Variants in NBEA observed in about 807,000 individuals in gnomAD.
NBEA encodes the protein lysosomal-trafficking regulator 2.
NBEA carries 44 observed loss-of-function variants against 343.4 expected under a neutral mutation model. The observed-to-expected ratio is 0.13, with a 90% CI of 0.10 to 0.16. NBEA has a LOEUF of 0.16. Among genes scored for constraint, NBEA ranks in the 10% least tolerant of loss-of-function variants. NBEA has a pLI of 1.00. For missense variants in NBEA, 2,555 were observed against 3,631.3 expected (o/e 0.70, Z 7.62); for synonymous variants, 1,175 against 1,238.7 (o/e 0.95, Z 1.08).
intron 1 of NBEA, among the ~76,000 whole-genome samples, chr13:35,010,112 G>A (rs2061433527): frequency 6.6e-6 from 1 of 152,092 alleles, no homozygotes; most frequent in African/African-American, 2.4e-5. Context: ...AAATATATGA[G>A]GCTGCAAAAT....
intron 31 of NBEA, among the ~76,000 whole-genome samples, chr13:35,201,593 T>C (rs1425514761): frequency 6.6e-6 from 1 of 152,092 alleles, no homozygotes; most frequent in Non-Finnish European, 1.5e-5. Flanking sequence ...ATATTAATAG[T>C]TGGTCTCTCT....
chr13:35,571,308 T>G (rs940558806), intron 45 of NBEA, among the ~76,000 whole-genome samples: 1 of 152,180 alleles, frequency 6.6e-6, no homozygotes, highest in Admixed American at 6.5e-5. Flanking sequence ...AACTTCTGAA[T>G]GAAAGTTTCA....
chr13:35,057,071 A>G (rs924234377), intron 7 of NBEA, among the ~76,000 whole-genome samples: 3 of 152,124 alleles, frequency 2.0e-5, no homozygotes, highest in Non-Finnish European at 2.9e-5. Context: ...TGGGCTTTCC[A>G]TTGTCTACAT....
At chr13:35,515,146 C>T (rs552885717) in intron 41 of NBEA, among the ~76,000 whole-genome samples, 6 of 152,086 alleles carry the variant, frequency 3.9e-5, no homozygotes, top group South Asian at 2.1e-4. Flanking sequence ...AGCAATTTCA[C>T]GAGAATAACA....
intron 36 of NBEA, among the ~76,000 whole-genome samples, chr13:35,343,268 T>C (rs1408605132): frequency 6.6e-6 from 1 of 151,990 alleles, no homozygotes; most frequent in Admixed American, 6.6e-5. Context: ...TGATGAAACA[T>C]CAGGGAGAAA....
At chr13:35,348,394 C>CCT (rs1252827775) in intron 36 of NBEA, among the ~76,000 whole-genome samples, 1 of 151,834 alleles carries the variant, frequency 6.6e-6, no homozygotes, top group Non-Finnish European at 1.5e-5. Flanking sequence ...ACAGTGGGTA[C>CCT]CTGTTGAGGT....
chr13:35,412,841 A>G (rs1594537513), intron 38 of NBEA, among the ~76,000 whole-genome samples: 3 of 152,278 alleles, frequency 2.0e-5, no homozygotes, highest in Non-Finnish European at 2.9e-5. Flanking sequence ...CTGAGGACAC[A>G]TTCTGCCACC....
intron 18 of NBEA, among the ~76,000 whole-genome samples, chr13:35,154,245 C>T (rs1355052546): frequency 6.6e-6 from 1 of 152,126 alleles, no homozygotes; most frequent in African/African-American, 2.4e-5. Context: ...AATGAAACTT[C>T]TGGATGTCGT....
intron 17 of NBEA, among the ~76,000 whole-genome samples, chr13:35,140,622 C>T (rs2068033096): frequency 1.3e-5 from 2 of 152,072 alleles, no homozygotes; most frequent in South Asian, 4.1e-4. Context: ...TTGCTTTTTC[C>T]TTCCCTGGAC....
At chr13:35,306,215 T>A (rs1185122044) in intron 35 of NBEA, among the ~76,000 whole-genome samples, 1 of 152,138 alleles carries the variant, frequency 6.6e-6, no homozygotes, top group Admixed American at 6.5e-5. Context: ...CCTGGTGTTC[T>A]AAAATTTAAT....
At chr13:35,504,141 G>T (rs2152982495) in intron 41 of NBEA, among the ~76,000 whole-genome samples, 1 of 152,232 alleles carries the variant, frequency 6.6e-6, no homozygotes, top group South Asian at 2.1e-4. Context: ...GTGAATATTT[G>T]TTTTAGAGGA....
intron 34 of NBEA, chr13:35,251,427 G>C (rs959035554): frequency 1.0e-5 from 11 of 1,055,060 alleles, no homozygotes; most frequent in Non-Finnish European, 1.3e-5. Context: ...GTCAGTGGTG[G>C]CTCACTTTGA....
intron 36 of NBEA, among the ~76,000 whole-genome samples, chr13:35,327,205 G>A (rs1008226611): frequency 6.6e-6 from 1 of 152,044 alleles, no homozygotes; most frequent in African/African-American, 2.4e-5. Context: ...AGCCACTGTG[G>A]AAAGCAGTTT....
intron 51 of NBEA, among the ~76,000 whole-genome samples, chr13:35,648,912 A>C (rs900984775): frequency 3.9e-5 from 6 of 152,142 alleles, no homozygotes; most frequent in Non-Finnish European, 7.4e-5. Flanking sequence ...TAATGTATGC[A>C]GGGCTTACTA....
At chr13:34,960,297 ATG>A (rs1296999931) in intron 1 of NBEA, among the ~76,000 whole-genome samples, 12 of 152,180 alleles carry the variant, frequency 7.9e-5, no homozygotes, top group African/African-American at 2.9e-4. Flanking sequence ...TAGTCATATA[ATG>A]TGTTTGTGTT....
intron 39 of NBEA, among the ~76,000 whole-genome samples, chr13:35,435,888 A>C (rs2045407961): frequency 6.6e-6 from 1 of 152,192 alleles, no homozygotes; most frequent in Non-Finnish European, 1.5e-5. Context: ...TTGCCAATGC[A>C]CATCAAGAGT....
At position 35,270,725 on chromosome 13, in the gene NBEA, C is replaced by T. The variant is rs114445012; in HGVS notation, c.5777-19664C>T. On this transcript the variant is annotated intron_variant, in intron 34 of 58. Coordinates refer to ENST00000379939, the MANE Select transcript of NBEA (RefSeq NM_001385012.1). ...CACACCCACAGATCCTTGCTAGCTG[C>T]TAGCACAGCAGTGTGAGATTGACCT... 3.1e-3 allele frequency among the ~76,000 whole-genome samples: 469 copies of T among 152,350 alleles called. 2 individuals carry two copies. Among genetic ancestry groups the T allele is most frequent in the African/African-American group, 0.011 (457 of 41,596 alleles).
intron 18 of NBEA, among the ~76,000 whole-genome samples, chr13:35,145,190 GGT>G (rs1319785037): frequency 6.6e-6 from 1 of 152,164 alleles, no homozygotes; most frequent in Non-Finnish European, 1.5e-5. Context: ...GCTTTGGCAC[GGT>G]TAGAGCTTCA....
chr13:35,324,680 G>A (rs2038415435), intron 36 of NBEA, among the ~76,000 whole-genome samples: 1 of 152,096 alleles, frequency 6.6e-6, no homozygotes. Flanking sequence ...ATAATTGAGA[G>A]GTTAGGATTT....
Sources: allele counts gnomAD v4.1 joint callset (sites outside exome capture counted in the v4.1 genomes callset), GRCh38; gene constraint gnomAD v4.1.1; transcripts MANE v1.5; gene names NCBI Gene and HGNC (gene_info 2026-07-23, HGNC 2026-07-21).